Variants in VWA3B observed in about 807,000 individuals in gnomAD.
VWA3B encodes von Willebrand factor A domain containing 3B, also known as von Willebrand factor A domain-containing protein 3B.
VWA3B carries 138 observed loss-of-function variants against 158.3 expected under a neutral mutation model. The ratio of observed to expected loss-of-function variants is 0.87; its 90% CI spans 0.76 to 1.00. The LOEUF (loss-of-function observed/expected upper bound fraction) is 1.00. VWA3B is among the 50% of genes least tolerant of loss of function. The pLI is 0.00. For synonymous variants in VWA3B, 596 were observed against 587.3 expected (o/e 1.01, Z -0.21); for missense variants, 1,555 against 1,565.1 (o/e 0.99, Z 0.11).
chr2:98,100,955 C>A (rs763673781), intron 2 of VWA3B, among the ~76,000 whole-genome samples: 1 of 152,150 alleles, frequency 6.6e-6, no homozygotes, highest in East Asian at 1.9e-4. Context: ...AGGGGACAAT[C>A]ACTGGAAAGT....
At chr2:98,261,936 C>T (rs1399510906) in intron 21 of VWA3B, among the ~76,000 whole-genome samples, 1 of 151,770 alleles carries the variant, frequency 6.6e-6, no homozygotes, top group Non-Finnish European at 1.5e-5. Flanking sequence ...TCTCCACATC[C>T]TTGGCAACAC....
chr2:98,321,105 G>A, the VWA3B span, among the ~76,000 whole-genome samples: 1 of 152,262 alleles, frequency 6.6e-6, no homozygotes, highest in East Asian at 1.9e-4. Flanking sequence ...TGTTGCTTCA[G>A]AGGATGCAAG....
At chr2:98,276,092 C>G (rs763901371) in intron 22 of VWA3B, among the ~76,000 whole-genome samples, 1 of 152,170 alleles carries the variant, frequency 6.6e-6, no homozygotes, top group Admixed American at 6.5e-5. Flanking sequence ...GTTAGGGGAA[C>G]GCCGATGTTC....
chr2:98,171,297 C>T (rs1354873392), intron 8 of VWA3B, among the ~76,000 whole-genome samples: 3 of 152,004 alleles, frequency 2.0e-5, no homozygotes, highest in Non-Finnish European at 2.9e-5. Context: ...GGGGTATTTA[C>T]GATTGAGGAA....
chr2:98,223,070 A>G (rs752306352), intron 14 of VWA3B, among the ~76,000 whole-genome samples: 9 of 152,230 alleles, frequency 5.9e-5, no homozygotes, highest in Admixed American at 2.0e-4. Flanking sequence ...AAATGCTTCA[A>G]CAATCTATTA....
At chr2:98,310,390 A>G (rs183234609) in intron 26 of VWA3B, among the ~76,000 whole-genome samples, 1 of 152,152 alleles carries the variant, frequency 6.6e-6, no homozygotes, top group Non-Finnish European at 1.5e-5. Context: ...TCCTCCAGGC[A>G]GGGGGGTAGG....
intron 19 of VWA3B, among the ~76,000 whole-genome samples, chr2:98,248,644 A>T (rs539464911): frequency 6.6e-6 from 1 of 151,860 alleles, no homozygotes; most frequent in East Asian, 1.9e-4. Context: ...TTTTCAGAAC[A>T]CTCCTAGTCC....
rs191029053 is a variant in VWA3B at position 98,139,273 on chromosome 2, C to T, written c.988+5334C>T. Among the ~76,000 whole-genome samples the T allele has an allele frequency of 8.5e-4, 129 of 152,336 alleles. 1 individual carries two copies. The highest frequency in any genetic ancestry group is 1.4e-3 in the Non-Finnish European group (95 of 68,016). ...GCCTCGGGACTGCAGCCCGCCATAC[C>T]TGAGCCTTCCCCCGCCTCCGTGGGC... On this transcript the variant is annotated intron_variant, in intron 7 of 27. Transcript: ENST00000477737.
At chr2:98,305,857 G>A (rs922538032) in intron 26 of VWA3B, among the ~76,000 whole-genome samples, 1 of 152,018 alleles carries the variant, frequency 6.6e-6, no homozygotes, top group Non-Finnish European at 1.5e-5. Flanking sequence ...TTCCTCACAT[G>A]CAAATCTGCC....
intron 7 of VWA3B, among the ~76,000 whole-genome samples, chr2:98,144,583 T>C (rs1424582953): frequency 1.3e-5 from 2 of 151,644 alleles, no homozygotes; most frequent in Admixed American, 6.6e-5. Flanking sequence ...TTTTTTTTAA[T>C]TGAAATGGAG....
At chr2:98,179,461 A>G (rs1043828535) in intron 8 of VWA3B, 1 of 408,234 alleles carries the variant, frequency 2.4e-6, no homozygotes, top group Non-Finnish European at 5.0e-6. Flanking sequence ...GATAGGGCAC[A>G]TGAGGTTTCT....
At chr2:98,221,661 G>T (rs541064904) in intron 14 of VWA3B, among the ~76,000 whole-genome samples, 113 of 152,282 alleles carry the variant, frequency 7.4e-4, no homozygotes, top group African/African-American at 2.6e-3. Flanking sequence ...GAAGCAGGTG[G>T]TGCTTACATT....
At chr2:98,289,495 C>A (rs1484346892) in intron 22 of VWA3B, among the ~76,000 whole-genome samples, 1 of 152,192 alleles carries the variant, frequency 6.6e-6, no homozygotes, top group African/African-American at 2.4e-5. Flanking sequence ...AGCTCTACCC[C>A]ACTGACTTCT....
intron 23 of VWA3B, among the ~76,000 whole-genome samples, chr2:98,297,636 G>A (rs192854386): frequency 6.6e-6 from 1 of 152,202 alleles, no homozygotes; most frequent in Non-Finnish European, 1.5e-5. Context: ...CTGTCAGGAT[G>A]GGGGCTGATG....
At chr2:98,309,643 G>A (rs1241145442) in intron 26 of VWA3B, among the ~76,000 whole-genome samples, 1 of 152,190 alleles carries the variant, frequency 6.6e-6, no homozygotes, top group African/African-American at 2.4e-5. Flanking sequence ...GTAGTGTTGT[G>A]GACTCACATT....
In VWA3B at chr2:98,307,974, C is replaced by T. The variant is rs147063925; in HGVS notation, c.3522-3845C>T. Among the ~76,000 whole-genome samples, 651 of 152,212 alleles carry T rather than the reference C, an allele frequency of 4.3e-3. 10 individuals carry two copies. The highest frequency in any genetic ancestry group is 4.8e-3 in the Non-Finnish European group (326 of 68,026). On this transcript the variant is annotated intron_variant, in intron 26 of 27. Transcript: ENST00000477737. ...CTCTCTTCTGGCTTCTGAGTGAGAA[C>T]GGTGCACAGTGAAAGGCAGGAAGAA...
Position 98,162,889 on chromosome 2 carries a change from G to C in VWA3B, c.1027G>C (p.Glu343Gln), listed in dbSNP as rs758638948. 1.2e-6 allele frequency: 2 copies of C among 1,613,986 alleles called. No homozygotes were observed. Among genetic ancestry groups the C allele is most frequent in the Admixed American group, 1.7e-5 (1 of 60,038 alleles). Residue 343 changes from glutamate (E) to glutamine (Q), a missense_variant, in exon 8 of 28, where the codon GAG (glutamate) becomes CAG (glutamine). Physicochemically the swap from Glu to Gln is conservative, Grantham distance 29. Transcript: ENST00000477737. ...AGAGGACGTGTTTCTCGTTTGGCAA[G>C]AGATGGAGGAAGCCTGCAGCACGCT... The part of the protein sequence containing the change: ...VREDVFLVWQ[E>Q]MEEACSTLAQ...
chr2:98,319,869 G>A, the VWA3B span, among the ~76,000 whole-genome samples: 7 of 134,310 alleles, frequency 5.2e-5, no homozygotes, highest in East Asian at 2.3e-4. Flanking sequence ...GACAGAGTGA[G>A]ACTCCATCAC....
At chr2:98,180,326 G>A (rs1680457942) in intron 8 of VWA3B, among the ~76,000 whole-genome samples, 1 of 152,144 alleles carries the variant, frequency 6.6e-6, no homozygotes, top group Admixed American at 6.6e-5. Flanking sequence ...CAAGTAGTTG[G>A]GATTACAGAC....
Sources: gnomAD v4.1 joint callset for allele counts (sites outside exome capture counted in the v4.1 genomes callset) on GRCh38, gnomAD v4.1.1 for gene constraint, MANE v1.5 for transcripts, NCBI Gene and HGNC (gene_info 2026-07-23, HGNC 2026-07-21) for gene names.